The following NME4 variants were observed in gnomAD, a reference collection of about 807,000 sequenced individuals.
NME4 encodes nucleoside diphosphate kinase D, mitochondrial.
A neutral mutation model predicts 16.4 loss-of-function variants in NME4; 21 were observed. That is an observed-to-expected ratio of 1.28 (90% confidence interval 0.91 to 1.84). NME4 has a LOEUF of 1.84. Ranked by LOEUF, NME4 falls within the 40% of genes most tolerant of loss-of-function variation. The pLI is 0.00. For missense variants in NME4, 316 were observed against 261.3 expected, an observed-to-expected ratio of 1.21 and a Z score of -1.44; for synonymous variants, 132 against 107.5, an observed-to-expected ratio of 1.23 and a Z score of -1.41.
chr16:399,271 G>C (rs904080826), intron 2 of NME4, 108 bp from the exon 3 acceptor site: 11 of 1,402,722 alleles, frequency 7.8e-6, no homozygotes, highest in Non-Finnish European at 1.0e-5. Flanking sequence ...TGGGGGTGCT[G>C]CCCATGCTGG....
At position 400,250 on chromosome 16, in the gene NME4, G is replaced by A. The variant is rs1203329886; in HGVS notation, c.472G>A (p.Gly158Arg). ...NVIHASDSVE[G>R]AQREIQLWFQ... ...CATCCACGCCAGCGACTCCGTGGAG[G>A]GGGCCCAGCGGGAGATCCAGCTGTG... is the stretch of plus-strand genomic sequence containing the variant. The change falls in exon 5 of 5, where the codon GGG becomes AGG. Residue 158 changes from glycine (G) to arginine (R), a missense_variant. Physicochemically the swap from Gly to Arg is moderately radical, Grantham distance 125. Coordinates refer to ENST00000219479, the MANE Select transcript of NME4 (RefSeq NM_005009.3). The A allele has an allele frequency of 1.2e-6, 2 of 1,604,292 alleles. No individual in the cohort carries two copies. Among genetic ancestry groups the A allele is most frequent in the Non-Finnish European group, 1.7e-6 (2 of 1,173,576 alleles).
Position 399,093 on chromosome 16 carries a change from C to T in NME4, c.195C>T (p.Gly65=), listed in dbSNP as rs961371850. The T allele has an allele frequency of 6.9e-6, 11 of 1,597,580 alleles. No individual in the cohort carries two copies. In the East Asian group the frequency reaches 2.5e-4, roughly 36 times the overall value. The change falls in exon 2 of 5, where the codon GGC becomes GGT. Residue 65 remains glycine (G), a synonymous_variant. Coordinates refer to ENST00000219479, the MANE Select transcript of NME4 (RefSeq NM_005009.3). ...TGATCCAGCGCTTTGAGAGGCGGGG[C>T]TTCACGCTGGTGGGGATGAAGATGC... is the stretch of plus-strand genomic sequence containing the variant. ...GDVIQRFERR[G]FTLVGMKMLQ... is the part of the protein sequence containing the mutation.
intron 1 of NME4, chr16:398,160 C>T (rs892157459): frequency 1.4e-5 from 21 of 1,523,116 alleles, no homozygotes; most frequent in Non-Finnish European, 1.9e-5. Context: ...GGCTCTGGAG[C>T]AGCCTGGGAC....
At chr16:397,916 T>C (rs908092187) in intron 1 of NME4, 2 of 1,551,268 alleles carry the variant, frequency 1.3e-6, no homozygotes, top group Admixed American at 1.9e-5. Flanking sequence ...AGCCGCCGCC[T>C]GCAATGCCCG....
intron 1 of NME4, chr16:397,928 A>G (rs747269467): frequency 1.3e-6 from 2 of 1,548,756 alleles, no homozygotes; most frequent in Non-Finnish European, 8.7e-7. Flanking sequence ...CAATGCCCGC[A>G]CCAGCCGCAG....
Position 399,632 on chromosome 16 carries a change from G to A in NME4, c.333G>A (p.Trp111Ter). ...MSSGPVVAMV[W>*]EGYNVVRASR... ...ACCATTATCTCTCGCTGCAGGTCTG[G>A]GAAGGGTACAATGTCGTCCGCGCCT... The change falls in exon 4 of 5, where the codon TGG (tryptophan) becomes TGA (stop). Residue 111 changes from tryptophan to a stop codon, truncating the protein, a stop_gained. Transcript: ENST00000219479. LOFTEE classifies it high-confidence loss of function. The A allele has an allele frequency of 6.2e-7, 1 of 1,613,170 alleles. No homozygotes were observed. Among genetic ancestry groups the A allele is most frequent in the East Asian group, 2.2e-5 (1 of 44,872 alleles).
rs80189974 is a variant in NME4 at position 398,931 on chromosome 16, G to A, written c.92-59G>A. On this transcript the variant is annotated intron_variant, in intron 1 of 4. Transcript: ENST00000219479. Reference sequence around the variant, plus strand: ...CCCCTGGGCTCTGGCTGGGAAACCCGGGTCGTGGGGACGTGAAAGGGTGAG... The same window carrying A: ...CCCCTGGGCTCTGGCTGGGAAACCCAGGTCGTGGGGACGTGAAAGGGTGAG... 5.0e-3 allele frequency: 8,028 copies of A among 1,598,030 alleles called. 96 individuals carry two copies. The highest frequency in any genetic ancestry group is 0.032 in the African/African-American group (2,368 of 74,906).
rs2054602876 is a variant in NME4 at position 398,974 on chromosome 16, C to T, written c.92-16C>T. The T allele has an allele frequency of 6.2e-7, 1 of 1,609,530 alleles. No individual in the cohort carries two copies. The highest frequency in any genetic ancestry group is 8.5e-7 in the Non-Finnish European group (1 of 1,179,812). ...AGGGTGAGGTGGCAGTGCCTCTGAC[C>T]TCTTGCCTTTTGAAGGAGGGCCCTC... On this transcript the variant is annotated splice_polypyrimidine_tract_variant and intron_variant, in intron 1 of 4. Coordinates refer to ENST00000219479, the MANE Select transcript of NME4 (RefSeq NM_005009.3).
chr16:399,976 GGCA>G, intron 4 of NME4: 14 of 675,384 alleles, frequency 2.1e-5, no homozygotes, highest in South Asian at 3.5e-5. Flanking sequence ...CCAAGGGGTT[GGCA>G]CGGGGCAACT....
Position 399,750 on chromosome 16 carries a change from C to G in NME4, c.440+11C>G, listed in dbSNP as rs750128179. On this transcript the variant is annotated intron_variant, in intron 4 of 4. Coordinates refer to ENST00000219479, the MANE Select transcript of NME4 (RefSeq NM_005009.3). ...CGTCCACATCAGCAGGTACGGGGGT[C>G]CTGATACACCAGGCTGCTGCTGGGG... The G allele has an allele frequency of 1.2e-6, 2 of 1,603,330 alleles. No homozygotes were observed. The highest frequency in any genetic ancestry group is 4.5e-5 in the East Asian group (2 of 44,818).
intron 1 of NME4, chr16:398,564 C>A: frequency 2.1e-6 from 1 of 469,406 alleles, no homozygotes; most frequent in African/African-American, 2.0e-5. Context: ...TTCCCTGAGG[C>A]CACTGAGCTG....
intron 1 of NME4, chr16:397,900 A>G: frequency 6.4e-7 from 1 of 1,554,096 alleles, no homozygotes; most frequent in Non-Finnish European, 8.7e-7. Context: ...TCGGCTCTGA[A>G]AAGTGAGCCG....
intron 1 of NME4, chr16:398,026 C>A: frequency 5.2e-6 from 8 of 1,535,948 alleles, no homozygotes; most frequent in Non-Finnish European, 7.0e-6. Flanking sequence ...GGGCTTCAGC[C>A]GCCTGCTGGG....
chr16:399,048 A>G lies in NME4; in HGVS notation c.150A>G (p.Gln50=), dbSNP rs1555494085. 1.2e-6 allele frequency: 2 copies of G among 1,607,980 alleles called. No individual in the cohort carries two copies. Among genetic ancestry groups the G allele is most frequent in the Non-Finnish European group, 1.7e-6 (2 of 1,179,638 alleles). Residue 50 remains glutamine (Q), a synonymous_variant, in exon 2 of 5, where the codon CAA becomes CAG. Coordinates refer to ENST00000219479, the MANE Select transcript of NME4 (RefSeq NM_005009.3). ...TGGCGGTGAAGCCCGATGGCGTGCA[A>G]CGGCGGCTCGTTGGGGACGTGATCC... ...TLVAVKPDGV[Q]RRLVGDVIQR...
rs374265948 is a variant in NME4, at chr16:399,530, G to T, written c.327+50G>T. 6 of 1,596,500 alleles carry T rather than the reference G, an allele frequency of 3.8e-6. No individual in the cohort carries two copies. In the African/African-American group the frequency reaches 5.4e-5, roughly 14 times the overall value. ...AGGGCCTGTGGGTAAAGGGCGTGTG[G>T]GTGTGTCTTTCCCCCCAGCAAAGGG... is the stretch of plus-strand genomic sequence containing the variant. On this transcript the variant is annotated intron_variant, in intron 3 of 4. Coordinates refer to ENST00000219479, the MANE Select transcript of NME4 (RefSeq NM_005009.3).
At chr16:397,821 G>C (rs372308687) in intron 1 of NME4, 5 of 1,512,642 alleles carry the variant, frequency 3.3e-6, no homozygotes, top group Non-Finnish European at 4.4e-6. Flanking sequence ...CCAAGTCCCC[G>C]GCCCCGCCGC....
chr16:400,196 A>C, intron 4 of NME4, 23 bp from the exon 5 acceptor site: 1 of 1,611,384 alleles, frequency 6.2e-7, no homozygotes, highest in Non-Finnish European at 8.5e-7. Context: ...CCTGAGCCTC[A>C]CATTGCTCCT....
intron 2 of NME4, 25 bp downstream of exon 2, chr16:399,148 T>A: frequency 6.3e-7 from 1 of 1,597,112 alleles, no homozygotes; most frequent in Non-Finnish European, 8.5e-7. Flanking sequence ...GGCTTGTGGG[T>A]GTCCCTGTGG....
chr16:400,090 A>T (rs1289381267), intron 4 of NME4, 129 bp from the exon 5 acceptor site: 3 of 1,363,504 alleles, frequency 2.2e-6, no homozygotes, highest in Non-Finnish European at 3.1e-6. Flanking sequence ...CTCCACTGTT[A>T]CTCCTTCCCT....
Sources: allele counts gnomAD v4.1 joint callset, GRCh38; gene constraint gnomAD v4.1.1; transcripts MANE v1.5; gene names NCBI Gene and HGNC (gene_info 2026-07-23, HGNC 2026-07-21).